Variants in COL4A4 observed in about 807,000 individuals in gnomAD.
The protein encoded by COL4A4 is collagen type IV alpha 4 chain.
Under a neutral mutation model 192.9 loss-of-function variants are expected in COL4A4, and 105 were observed. That is an observed-to-expected ratio of 0.54 (90% CI 0.46 to 0.64). The LOEUF is 0.64. Ranked by LOEUF, COL4A4 falls within the 30% of genes least tolerant of loss-of-function variation. COL4A4 has a pLI of 0.00. For missense variants in COL4A4, 1,967 were observed against 2,169.3 expected (o/e 0.91, Z 1.85); for synonymous variants, 762 against 769.9 (o/e 0.99, Z 0.17).
intron 4 of COL4A4, among the ~76,000 whole-genome samples, chr2:227,133,136 G>T (rs1309503750): frequency 6.6e-6 from 1 of 152,158 alleles, no homozygotes; most frequent in Non-Finnish European, 1.5e-5. Flanking sequence ...GGGTCATGCT[G>T]GGTCACACAG....
rs774471575 is a variant in COL4A4, at chr2:227,010,395, G to C, written c.4440C>G (p.Cys1480Trp). 6.2e-7 allele frequency: 1 copy of C among 1,614,198 alleles called. No individual in the cohort carries two copies. The highest frequency in any genetic ancestry group is 1.3e-5 in the African/African-American group (1 of 75,074). ...TCCAGAGCCTGGGCATGCCCAGGGG[G>C]CAGGTGGGCTCCTGGTCCGTCTGAC... is the stretch of plus-strand genomic sequence containing the variant. ...LHSQTDQEPT[C>W]PLGMPRLWTG... The change falls in exon 46 of 48, where the codon TGC becomes TGG. Residue 1480 changes from cysteine to tryptophan, a missense_variant. Physicochemically the swap from Cys to Trp is radical, Grantham distance 215. Transcript: ENST00000396625.
intron 25 of COL4A4, among the ~76,000 whole-genome samples, chr2:227,069,105 C>G: frequency 7.6e-6 from 1 of 130,850 alleles, no homozygotes; most frequent in East Asian, 2.2e-4. Flanking sequence ...CATGAGTGAA[C>G]TCCCATTCAC....
chr2:227,056,338 A>G (rs953379252), intron 29 of COL4A4, among the ~76,000 whole-genome samples: 1 of 152,194 alleles, frequency 6.6e-6, no homozygotes, highest in African/African-American at 2.4e-5. Context: ...AGTAGGGATG[A>G]ATGTAGATTA....
intron 34 of COL4A4, among the ~76,000 whole-genome samples, chr2:227,049,356 C>G (rs1300723445): frequency 6.6e-6 from 1 of 152,202 alleles, no homozygotes; most frequent in Non-Finnish European, 1.5e-5. Flanking sequence ...CAAATCTAGC[C>G]TGCAGCCAAT....
Position 227,060,116 on chromosome 2 carries a change from A to T in COL4A4, c.2164+20T>A. On this transcript the variant is annotated intron_variant, in intron 27 of 47. Coordinates refer to ENST00000396625, the MANE Select transcript of COL4A4 (RefSeq NM_000092.5). ...TCCCAAAGCAGAAAAAAAAAAAAAAAAAAAAAAAACCTCACTGACCAGGTG... is the reference window on the plus strand; with the variant it reads ...TCCCAAAGCAGAAAAAAAAAAAAAATAAAAAAAAACCTCACTGACCAGGTG... 1 of 1,330,158 alleles carries T rather than the reference A, an allele frequency of 7.5e-7. No homozygotes were observed. The highest frequency in any genetic ancestry group is 1.0e-6 in the Non-Finnish European group (1 of 957,454). 82.4% of individuals were successfully genotyped at this position (1,330,158 alleles called of 1,614,324 possible).
rs184233010 is a variant in COL4A4, at chr2:227,119,246, C to T, written c.373-485G>A. Among the ~76,000 whole-genome samples, 286 of 151,920 alleles carry T rather than the reference C, an allele frequency of 1.9e-3. 1 individual carries two copies. The highest frequency in any genetic ancestry group is 3.4e-3 in the Middle Eastern group (1 of 294). ...TTCTCTAACCTGTTAGAAAACGTTG[C>T]TTTCCAAGTAAAGTGTTTTGCTCTG... On this transcript the variant is annotated intron_variant, in intron 6 of 47. Coordinates refer to ENST00000396625, the MANE Select transcript of COL4A4 (RefSeq NM_000092.5).
chr2:227,080,777 GA>G (rs1296782232), intron 23 of COL4A4, among the ~76,000 whole-genome samples: 1 of 152,116 alleles, frequency 6.6e-6, no homozygotes, highest in Non-Finnish European at 1.5e-5. Context: ...TTCCAGCAAG[GA>G]GCTGGTGTGT....
chr2:227,042,010 G>A, intron 37 of COL4A4, 138 bp downstream of exon 37: 3 of 730,088 alleles, frequency 4.1e-6, no homozygotes, highest in Non-Finnish European at 7.5e-6. Flanking sequence ...AGGAAGAGTA[G>A]GAAGATGCTA....
chr2:226,977,344 C>T, the COL4A4 span, among the ~76,000 whole-genome samples: 2 of 152,160 alleles, frequency 1.3e-5, no homozygotes, highest in African/African-American at 2.4e-5. Context: ...GCTTTTCAGC[C>T]TTGTCTGCCC....
intron 47 of COL4A4, 149 bp downstream of exon 47, chr2:227,007,868 TC>T (rs1258319665): frequency 3.0e-6 from 3 of 984,990 alleles, no homozygotes; most frequent in African/African-American, 1.6e-5. Flanking sequence ...TGGCCCTGCA[TC>T]CCAACAGGCT....
chr2:227,056,022 GC>G lies in COL4A4; in HGVS notation c.2638del (p.Ala880HisfsTer70), dbSNP rs778043831. 31 of 1,612,618 alleles carry G rather than the reference GC, an allele frequency of 1.9e-5. No individual in the cohort carries two copies. The highest frequency in any genetic ancestry group is 2.3e-5 in the Non-Finnish European group (27 of 1,178,860). On this transcript the variant is annotated frameshift_variant, in exon 30 of 48. Coordinates refer to ENST00000396625, the MANE Select transcript of COL4A4 (RefSeq NM_000092.5). LOFTEE classifies it high-confidence loss of function. ...TCCTGGGAGGCCTGGGGGACCATGT[GC>G]CCCAGGCCGTCCTGGGAGTCCGGGG... ...GLPGLPGRPG[A>X]HGPPGLPGIP...
intron 28 of COL4A4, 90 bp from the exon 29 acceptor site, chr2:227,057,690 G>T: frequency 1.5e-6 from 2 of 1,338,330 alleles, no homozygotes; most frequent in Non-Finnish European, 2.1e-6. Context: ...AATACTGGAG[G>T]TGAACATTTT....
chr2:227,078,974 G>A (rs1168149790), intron 24 of COL4A4, among the ~76,000 whole-genome samples: 1 of 152,242 alleles, frequency 6.6e-6, no homozygotes, highest in Non-Finnish European at 1.5e-5. Context: ...TGGGGAGCCT[G>A]CATCAAGGAT....
chr2:227,120,847 G>C (rs1246805417), intron 5 of COL4A4, 167 bp downstream of exon 5: 2 of 761,760 alleles, frequency 2.6e-6, no homozygotes, highest in Non-Finnish European at 4.3e-6. Context: ...GCTGAGGTGG[G>C]AGGCTCGCTT....
intron 46 of COL4A4, among the ~76,000 whole-genome samples, chr2:227,009,087 T>C (rs1268071155): frequency 6.6e-6 from 1 of 152,164 alleles, no homozygotes; most frequent in Admixed American, 6.5e-5. Context: ...ATATTAAACA[T>C]CACTTCCTCC....
At position 227,003,183 on chromosome 2, in the gene COL4A4, T is replaced by C. The variant is rs947560065; in HGVS notation, c.*4142A>G. Reference sequence around the variant, plus strand: ...ATTGGCCACATATAAATAATTCTAATCAGTAATTTATATACCCTGTGAGAA... The same window carrying C: ...ATTGGCCACATATAAATAATTCTAACCAGTAATTTATATACCCTGTGAGAA... On this transcript the variant is annotated 3_prime_UTR_variant, in exon 48 of 48. Coordinates refer to ENST00000396625, the MANE Select transcript of COL4A4 (RefSeq NM_000092.5). 1.3e-5 allele frequency: 2 copies of C among 152,180 alleles called. No individual in the cohort carries two copies. The highest frequency in any genetic ancestry group is 2.9e-5 in the Non-Finnish European group (2 of 68,044). 9.4% of individuals were successfully genotyped at this position (152,180 alleles called of 1,614,324 possible). A position where few individuals can be genotyped will look rare whatever the true frequency, so the allele number is the denominator to read the frequency against.
chr2:227,107,099 C>T (rs1210112758), intron 12 of COL4A4, among the ~76,000 whole-genome samples: 1 of 152,196 alleles, frequency 6.6e-6, no homozygotes, highest in East Asian at 1.9e-4. Flanking sequence ...TATTCCAGAG[C>T]TCCATGGCTT....
At chr2:226,991,422 C>T in the COL4A4 span, among the ~76,000 whole-genome samples, 7 of 152,156 alleles carry the variant, frequency 4.6e-5, no homozygotes, top group Non-Finnish European at 1.0e-4. Flanking sequence ...CCTCGTGAAC[C>T]GCCCGCCTCA....
At chr2:227,088,968 G>T in intron 21 of COL4A4, 152 bp from the exon 22 acceptor site, 1 of 871,444 alleles carries the variant, frequency 1.1e-6, no homozygotes, top group Non-Finnish European at 1.8e-6. Flanking sequence ...GTGGGGGCTG[G>T]GTGTGGCATG....
Sources: gnomAD v4.1 joint callset for allele counts (sites outside exome capture counted in the v4.1 genomes callset) on GRCh38, gnomAD v4.1.1 for gene constraint, MANE v1.5 for transcripts, NCBI Gene and HGNC (gene_info 2026-07-23, HGNC 2026-07-21) for gene names.